Variants in LRRC20 observed in about 807,000 individuals in gnomAD.
The protein encoded by LRRC20 is leucine rich repeat containing 20.
In LRRC20, 11 loss-of-function variants were observed where a neutral mutation model predicts 14.4. The observed-to-expected ratio is 0.77, with a 90% confidence interval of 0.48 to 1.27. LRRC20 has a LOEUF of 1.27. Among genes scored for constraint, LRRC20 ranks in the 50% most tolerant of loss-of-function variants. The pLI, the probability that LRRC20 is intolerant of heterozygous loss-of-function variation, is 0.00. For synonymous variants in LRRC20, 121 were observed against 107.3 expected (o/e 1.13, Z -0.79); for missense variants, 219 against 251.2 (o/e 0.87, Z 0.87).
intron 1 of LRRC20, chr10:70,381,472 C>T (rs909621380): frequency 6.6e-6 from 1 of 152,302 alleles, no homozygotes; most frequent in African/African-American, 2.4e-5. Context: ...GGCCCCCTGA[C>T]TCCAGCCCTT....
chr10:70,315,406 GC>G (rs567442764), intron 4 of LRRC20, among the ~76,000 whole-genome samples: 5 of 152,198 alleles, frequency 3.3e-5, no homozygotes, highest in Non-Finnish European at 7.3e-5. Flanking sequence ...TTATAATTAA[GC>G]ATTAATTGGG....
chr10:70,316,868 C>T (rs1308928090), intron 4 of LRRC20, among the ~76,000 whole-genome samples: 1 of 152,256 alleles, frequency 6.6e-6, no homozygotes, highest in African/African-American at 2.4e-5. Flanking sequence ...CAGAGCTCTG[C>T]AGACACCAAG....
At chr10:70,340,944 T>C (rs1842892957) in intron 2 of LRRC20, among the ~76,000 whole-genome samples, 2 of 152,178 alleles carry the variant, frequency 1.3e-5, no homozygotes, top group Non-Finnish European at 2.9e-5. Flanking sequence ...GCACCATCTC[T>C]GTTACCACAG....
At chr10:70,323,604 T>G (rs1842184725) in intron 4 of LRRC20, among the ~76,000 whole-genome samples, 2 of 152,166 alleles carry the variant, frequency 1.3e-5, no homozygotes, top group Non-Finnish European at 2.9e-5. Flanking sequence ...TGGCCTACAG[T>G]GGCCTGGCTA....
chr10:70,355,035 A>G (rs142431481), intron 2 of LRRC20, among the ~76,000 whole-genome samples: 1 of 152,282 alleles, frequency 6.6e-6, no homozygotes, highest in African/African-American at 2.4e-5. Context: ...TGACTCCATG[A>G]TTCTACTAAA....
intron 2 of LRRC20, among the ~76,000 whole-genome samples, chr10:70,376,088 T>C (rs1844498124): frequency 6.6e-6 from 1 of 152,132 alleles, no homozygotes; most frequent in South Asian, 2.1e-4. Flanking sequence ...CCAGGGAGCC[T>C]GTGAAGATTC....
At chr10:70,340,349 T>C (rs1231911321) in intron 3 of LRRC20, among the ~76,000 whole-genome samples, 1 of 152,164 alleles carries the variant, frequency 6.6e-6, no homozygotes, top group East Asian at 1.9e-4. Context: ...TCAATCTGCT[T>C]CACAGCCAGC....
intron 3 of LRRC20, among the ~76,000 whole-genome samples, chr10:70,324,778 T>G (rs1195648446): frequency 1.3e-5 from 2 of 151,894 alleles, no homozygotes; most frequent in African/African-American, 4.8e-5. Context: ...GGGCAGCAGG[T>G]GGTGGAGGAG....
At position 70,299,727 on chromosome 10, in the gene LRRC20, C is replaced by G. The variant is rs1477804453; in HGVS notation, c.*1627G>C. 6.5e-6 allele frequency: 1 copy of G among 153,132 alleles called. No homozygotes were observed. The highest frequency in any genetic ancestry group is 1.9e-4 in the East Asian group (1 of 5,236). 9.5% of individuals were successfully genotyped at this position (153,132 alleles called of 1,614,324 possible). On this transcript the variant is annotated 3_prime_UTR_variant, in exon 5 of 5. Coordinates refer to ENST00000446961, the MANE Select transcript of LRRC20 (RefSeq NM_001278212.2). The stretch of plus-strand genomic sequence containing the variant: ...AGCCCCCACTTGCCCCCAACACCCA[C>G]AGATGAACTCGGTAGCTCTGGAGAT...
intron 2 of LRRC20, among the ~76,000 whole-genome samples, chr10:70,370,331 C>T (rs1213160920): frequency 6.6e-6 from 1 of 152,134 alleles, no homozygotes; most frequent in East Asian, 1.9e-4. Context: ...CAGGATTACA[C>T]AGATGATAGT....
At chr10:70,321,002 C>T (rs1383965563) in intron 4 of LRRC20, among the ~76,000 whole-genome samples, 1 of 152,204 alleles carries the variant, frequency 6.6e-6, no homozygotes, top group Non-Finnish European at 1.5e-5. Context: ...TTTCCAGCGC[C>T]AGGTTGGGGC....
Position 70,300,931 on chromosome 10 carries a change from A to G in LRRC20, c.*423T>C, listed in dbSNP as rs910567940. The G allele has an allele frequency of 5.0e-6, 5 of 993,400 alleles. No individual in the cohort carries two copies. In the African/African-American group the frequency reaches 8.7e-5, roughly 17 times the overall value. The allele number at this position is 993,400 out of a possible 1,614,324, so 61.5% of individuals were successfully genotyped here. On this transcript the variant is annotated 3_prime_UTR_variant, in exon 5 of 5. Coordinates refer to ENST00000446961, the MANE Select transcript of LRRC20 (RefSeq NM_001278212.2). ...CAGCAACTGGCTCTCAGCACTAAAAACAAGGCCTCAAACCCGCAGGGGCTC... is the reference window on the plus strand; with the variant it reads ...CAGCAACTGGCTCTCAGCACTAAAAGCAAGGCCTCAAACCCGCAGGGGCTC...
chr10:70,380,915 A>C (rs1367792843), intron 1 of LRRC20, among the ~76,000 whole-genome samples: 1 of 152,238 alleles, frequency 6.6e-6, no homozygotes, highest in Non-Finnish European at 1.5e-5. Context: ...GTAAGGCTAC[A>C]GGGCCAGGCC....
At chr10:70,368,168 T>TG (rs1554843936) in intron 2 of LRRC20, among the ~76,000 whole-genome samples, 4 of 144,482 alleles carry the variant, frequency 2.8e-5, no homozygotes, top group Admixed American at 2.1e-4. Flanking sequence ...TTTTTTTTTT[T>TG]TTTTTTTGAA....
At chr10:70,329,033 T>G (rs1268617991) in intron 3 of LRRC20, among the ~76,000 whole-genome samples, 2 of 152,192 alleles carry the variant, frequency 1.3e-5, no homozygotes, top group African/African-American at 4.8e-5. Context: ...AGAGGGTCAG[T>G]GCAACTGTGA....
intron 4 of LRRC20, 106 bp downstream of exon 4, chr10:70,323,757 G>A (rs1842191530): frequency 1.5e-6 from 2 of 1,302,986 alleles, no homozygotes; most frequent in East Asian, 2.4e-5. Flanking sequence ...ATCTCAGACA[G>A]AAAGCCCAAG....
intron 4 of LRRC20, among the ~76,000 whole-genome samples, chr10:70,305,917 T>C (rs966945550): frequency 6.6e-6 from 1 of 152,116 alleles, no homozygotes; most frequent in Non-Finnish European, 1.5e-5. Context: ...ATTTTTTATA[T>C]TTTTAGTAGA....
chr10:70,324,317 G>C (rs1197436510), intron 3 of LRRC20, among the ~76,000 whole-genome samples: 1 of 152,214 alleles, frequency 6.6e-6, no homozygotes, highest in Non-Finnish European at 1.5e-5. Context: ...GCCTCAGCGA[G>C]GGGTCAGGAG....
intron 2 of LRRC20, among the ~76,000 whole-genome samples, chr10:70,356,484 C>T (rs575357195): frequency 3.3e-5 from 5 of 152,136 alleles, no homozygotes; most frequent in African/African-American, 1.2e-4. Context: ...CCACTGCACC[C>T]CAGCCTGGGC....
Sources: allele counts gnomAD v4.1 joint callset (sites outside exome capture counted in the v4.1 genomes callset), GRCh38; gene constraint gnomAD v4.1.1; transcripts MANE v1.5; gene names NCBI Gene and HGNC (gene_info 2026-07-23, HGNC 2026-07-21).